Variants in NKAIN2 observed in about 807,000 individuals in gnomAD.
NKAIN2 encodes the protein sodium/potassium-transporting ATPase subunit beta-1-interacting protein 2.
NKAIN2 carries 14 observed loss-of-function variants against 32.6 expected under a neutral mutation model. The ratio of observed to expected loss-of-function variants is 0.43; its 90% CI spans 0.28 to 0.67. The LOEUF (loss-of-function observed/expected upper bound fraction) is 0.67, where lower values mean the gene tolerates loss of function less well. Among genes scored for constraint, NKAIN2 ranks in the 30% least tolerant of loss-of-function variants. The pLI is 0.17. For missense variants in NKAIN2, 198 were observed against 258.3 expected (o/e 0.77, Z 1.60); for synonymous variants, 80 against 87.2 (o/e 0.92, Z 0.46).
At chr6:123,947,480 G>A (rs1272578450) in intron 1 of NKAIN2, among the ~76,000 whole-genome samples, 1 of 152,086 alleles carries the variant, frequency 6.6e-6, no homozygotes, top group Non-Finnish European at 1.5e-5. Context: ...TATACCACCA[G>A]AATATATCCT....
intron 1 of NKAIN2, among the ~76,000 whole-genome samples, chr6:124,107,960 C>G (rs369661840): frequency 3.3e-5 from 5 of 152,180 alleles, no homozygotes; most frequent in African/African-American, 7.2e-5. Flanking sequence ...CACATCTTGG[C>G]TATTATAAGT....
intron 1 of NKAIN2, among the ~76,000 whole-genome samples, chr6:123,824,573 A>G (rs1405040757): frequency 1.3e-5 from 2 of 152,038 alleles, no homozygotes; most frequent in Non-Finnish European, 2.9e-5. Context: ...TTTACAGTTT[A>G]AAAATTACTA....
intron 3 of NKAIN2, among the ~76,000 whole-genome samples, chr6:124,636,264 A>G (rs954903279): frequency 4.6e-5 from 7 of 152,076 alleles, no homozygotes; most frequent in Admixed American, 4.6e-4. Context: ...ACAAAAACCT[A>G]TGGGTTACAG....
chr6:124,442,662 G>C lies in NKAIN2; in HGVS notation c.273+87315G>C, dbSNP rs192619139. Among the ~76,000 whole-genome samples, 25 of 152,192 alleles carry C rather than the reference G, an allele frequency of 1.6e-4. No individual in the cohort carries two copies. In the East Asian group the frequency reaches 3.3e-3, roughly 20 times the overall value. On this transcript the variant is annotated intron_variant, in intron 3 of 6. Coordinates refer to ENST00000368417, the MANE Select transcript of NKAIN2 (RefSeq NM_001040214.3). ...GATGCAGTAGTTCTGATAGACACTAGATTATAATGGGTAGTTCTGACATAG... is the reference window on the plus strand; with the variant it reads ...GATGCAGTAGTTCTGATAGACACTACATTATAATGGGTAGTTCTGACATAG...
intron 4 of NKAIN2, among the ~76,000 whole-genome samples, chr6:124,733,826 T>C (rs1277407989): frequency 6.6e-6 from 1 of 151,754 alleles, no homozygotes; most frequent in Non-Finnish European, 1.5e-5. Flanking sequence ...TATACATGCA[T>C]ACATACATGT....
intron 5 of NKAIN2, among the ~76,000 whole-genome samples, chr6:124,798,907 C>T (rs986364950): frequency 6.6e-6 from 1 of 152,138 alleles, no homozygotes; most frequent in Non-Finnish European, 1.5e-5. Context: ...GTATCCTTAG[C>T]ATCTACCAAA....
At chr6:123,843,925 C>T (rs905670593) in intron 1 of NKAIN2, among the ~76,000 whole-genome samples, 2 of 152,110 alleles carry the variant, frequency 1.3e-5, no homozygotes, top group African/African-American at 4.8e-5. Context: ...ATGATTTTGA[C>T]CTCGATCTCT....
chr6:124,478,715 G>T (rs1777330975), intron 3 of NKAIN2, among the ~76,000 whole-genome samples: 1 of 152,134 alleles, frequency 6.6e-6, no homozygotes, highest in East Asian at 1.9e-4. Flanking sequence ...GATGGGGGAG[G>T]ATAGACATAT....
intron 1 of NKAIN2, among the ~76,000 whole-genome samples, chr6:124,013,462 A>G (rs1780428261): frequency 6.6e-6 from 1 of 152,202 alleles, no homozygotes; most frequent in African/African-American, 2.4e-5. Flanking sequence ...TCATTTCTCA[A>G]ATCACTGTTA....
chr6:124,502,628 C>T (rs995766768), intron 3 of NKAIN2, among the ~76,000 whole-genome samples: 12 of 152,184 alleles, frequency 7.9e-5, no homozygotes, highest in African/African-American at 2.4e-4. Flanking sequence ...GGTATATTTA[C>T]GAGTTATTTT....
At chr6:123,932,514 T>C (rs1410329617) in intron 1 of NKAIN2, among the ~76,000 whole-genome samples, 2 of 150,206 alleles carry the variant, frequency 1.3e-5, no homozygotes, top group Non-Finnish European at 3.0e-5. Context: ...CCTCCCGGGT[T>C]CACGCCATTC....
intron 3 of NKAIN2, among the ~76,000 whole-genome samples, chr6:124,409,199 T>G (rs1044590282): frequency 2.0e-5 from 3 of 152,206 alleles, no homozygotes; most frequent in African/African-American, 7.2e-5. Context: ...TTCTCCTGCC[T>G]GATTGCCCTG....
At chr6:124,351,521 AAAAG>A (rs1242362993) in intron 2 of NKAIN2, among the ~76,000 whole-genome samples, 3 of 151,692 alleles carry the variant, frequency 2.0e-5, no homozygotes, top group Non-Finnish European at 2.9e-5. Context: ...AAAAAAAAAA[AAAAG>A]AAAAGAAGAA....
intron 1 of NKAIN2, among the ~76,000 whole-genome samples, chr6:124,092,675 T>C (rs566674782): frequency 9.9e-4 from 150 of 152,128 alleles, no homozygotes; most frequent in Admixed American, 2.0e-3. Context: ...GGTAAGATGA[T>C]ATCTAAATTT....
intron 1 of NKAIN2, among the ~76,000 whole-genome samples, chr6:124,205,420 T>C (rs1407915701): frequency 6.6e-6 from 1 of 151,760 alleles, no homozygotes; most frequent in Non-Finnish European, 1.5e-5. Context: ...ATGTGTCTTA[T>C]CTTTACCTGT....
At chr6:124,064,545 A>G (rs930700952) in intron 1 of NKAIN2, among the ~76,000 whole-genome samples, 3 of 152,040 alleles carry the variant, frequency 2.0e-5, no homozygotes, top group Non-Finnish European at 4.4e-5. Flanking sequence ...AAACTAGAAA[A>G]CAAAATCTCC....
chr6:124,221,487 C>G (rs1791817995), intron 1 of NKAIN2, among the ~76,000 whole-genome samples: 1 of 151,234 alleles, frequency 6.6e-6, no homozygotes, highest in South Asian at 2.1e-4. Context: ...AGCGCACCAG[C>G]GTGGCACATG....
chr6:124,393,367 T>A (rs1390704781), intron 3 of NKAIN2, among the ~76,000 whole-genome samples: 1 of 151,704 alleles, frequency 6.6e-6, no homozygotes. Flanking sequence ...AAATTTCTCA[T>A]GTAATGTCTC....
intron 3 of NKAIN2, among the ~76,000 whole-genome samples, chr6:124,605,539 T>C (rs1782466419): frequency 6.6e-6 from 1 of 152,156 alleles, no homozygotes; most frequent in Non-Finnish European, 1.5e-5. Context: ...AAGACCGATG[T>C]TGGTTGCCAG....
Sources: allele counts gnomAD v4.1 joint callset (sites outside exome capture counted in the v4.1 genomes callset), GRCh38; gene constraint gnomAD v4.1.1; transcripts MANE v1.5; gene names NCBI Gene and HGNC (gene_info 2026-07-23, HGNC 2026-07-21).